RORA: variants seen among roughly 807,000 people sequenced by gnomAD.
RORA encodes the protein nuclear receptor ROR-alpha.
A neutral mutation model predicts 69.5 loss-of-function variants in RORA; 7 were observed. That is an observed-to-expected ratio of 0.10 (90% confidence interval 0.06 to 0.19). RORA has a LOEUF of 0.19. Among genes scored for constraint, RORA ranks in the 10% least tolerant of loss-of-function variants. The probability of loss-of-function intolerance (pLI) is 1.00; values close to 1 mark genes in which losing one functional copy is unlikely to be tolerated. For synonymous variants in RORA, 261 were observed against 240.8 expected, an observed-to-expected ratio of 1.08 and a Z score of -0.78; for missense variants, 457 against 663.0, an observed-to-expected ratio of 0.69 and a Z score of 3.41.
At chr15:60,810,606 A>G (rs751729554) in intron 1 of RORA, among the ~76,000 whole-genome samples, 1 of 151,818 alleles carries the variant, frequency 6.6e-6, no homozygotes, top group Non-Finnish European at 1.5e-5. Flanking sequence ...ACAGCTCATT[A>G]TTATTTTTGA....
Position 61,205,635 on chromosome 15 carries a change from C to T in RORA, c.166+23418G>A, listed in dbSNP as rs150808360. ...AAGGAATGAAAGGAAAACCTGCAACCAGAAGAGTGAAGGAGCTGGCACAGG... is the reference window on the plus strand; with the variant it reads ...AAGGAATGAAAGGAAAACCTGCAACTAGAAGAGTGAAGGAGCTGGCACAGG... On this transcript the variant is annotated intron_variant, in intron 1 of 10. Transcript: ENST00000335670. 2.2e-3 allele frequency among the ~76,000 whole-genome samples: 342 copies of T among 152,194 alleles called. 1 individual carries two copies. Among genetic ancestry groups the T allele is most frequent in the South Asian group, 0.021 (102 of 4,812 alleles).
At chr15:60,743,015 T>A (rs1251906021) in intron 1 of RORA, among the ~76,000 whole-genome samples, 3 of 123,026 alleles carry the variant, frequency 2.4e-5, no homozygotes, top group African/African-American at 7.9e-5. Flanking sequence ...GCATTCATTC[T>A]ATTTTTTTTT....
Position 60,511,262 on chromosome 15 carries a change from C to T in RORA, c.784G>A (p.Gly262Ser), listed in dbSNP as rs1423475521. ...GFFPYCSFTN[G>S]ETSPTVSMAE... is the part of the protein sequence containing the mutation. Reference sequence around the variant, plus strand: ...ATGGACACAGTTGGGGAAGTCTCGCCGTTGGTGAACGAACAGTAGGGAAAG... The same window carrying T: ...ATGGACACAGTTGGGGAAGTCTCGCTGTTGGTGAACGAACAGTAGGGAAAG... Residue 262 changes from glycine to serine, a missense_variant, in exon 5 of 11, where the codon GGC becomes AGC. Gly to Ser is a moderately conservative substitution (Grantham distance 56, BLOSUM62 0). Transcript: ENST00000335670. This position sits in a 1 kb window ranked among gnomAD's most constrained non-coding sequence, Gnocchi z 6.4. The T allele has an allele frequency of 4.3e-6, 7 of 1,613,870 alleles. No individual in the cohort carries two copies. The highest frequency in any genetic ancestry group is 1.1e-5 in the South Asian group (1 of 91,038).
intron 1 of RORA, among the ~76,000 whole-genome samples, chr15:60,893,606 T>C (rs11856583): frequency 1.3e-5 from 2 of 151,906 alleles, no homozygotes; most frequent in Non-Finnish European, 2.9e-5. Context: ...TGTGCGTTTT[T>C]AAAAAATTTT....
At chr15:60,859,030 A>T (rs917189840) in intron 1 of RORA, among the ~76,000 whole-genome samples, 6 of 145,528 alleles carry the variant, frequency 4.1e-5, no homozygotes, top group Non-Finnish European at 9.0e-5. Context: ...GCAATTTCTT[A>T]GGTGTCTGCT....
At chr15:60,521,386 C>T (rs1049678924) in intron 3 of RORA, among the ~76,000 whole-genome samples, 4 of 151,674 alleles carry the variant, frequency 2.6e-5, no homozygotes, top group Non-Finnish European at 4.4e-5. Flanking sequence ...GGACTACAGG[C>T]GTGCACCACC....
intron 1 of RORA, among the ~76,000 whole-genome samples, chr15:61,188,830 G>A (rs928743095): frequency 1.1e-4 from 16 of 151,996 alleles, no homozygotes; most frequent in Non-Finnish European, 2.4e-4. Context: ...TTCCCTCAAG[G>A]AGCTCAACAC....
chr15:60,540,962 G>C (rs568556237), intron 2 of RORA, among the ~76,000 whole-genome samples: 2 of 152,320 alleles, frequency 1.3e-5, no homozygotes, highest in East Asian at 1.9e-4. Context: ...GGACTGTTAA[G>C]AGAATTAGCC....
At chr15:60,959,288 TA>T (rs1201340702) in intron 1 of RORA, among the ~76,000 whole-genome samples, 2 of 152,154 alleles carry the variant, frequency 1.3e-5, no homozygotes, top group Admixed American at 6.5e-5. Flanking sequence ...AAATATACAT[TA>T]AAAAATCATT....
At chr15:60,914,290 C>T (rs910994764) in intron 1 of RORA, among the ~76,000 whole-genome samples, 2 of 152,110 alleles carry the variant, frequency 1.3e-5, no homozygotes, top group African/African-American at 4.8e-5. Context: ...GGGGAAAGGG[C>T]TTTCCCAAAG....
chr15:60,966,608 G>T (rs1893560029), intron 1 of RORA, among the ~76,000 whole-genome samples: 1 of 152,078 alleles, frequency 6.6e-6, no homozygotes, highest in South Asian at 2.1e-4. Flanking sequence ...TTACACAGTG[G>T]GATTACATCC....
At chr15:60,891,893 C>A (rs1159328957) in intron 1 of RORA, among the ~76,000 whole-genome samples, 1 of 152,196 alleles carries the variant, frequency 6.6e-6, no homozygotes, top group African/African-American at 2.4e-5. Context: ...GCCTTCGTGG[C>A]TTCCCAAACC....
At chr15:60,749,015 G>A (rs776619433) in intron 1 of RORA, among the ~76,000 whole-genome samples, 6 of 152,020 alleles carry the variant, frequency 3.9e-5, no homozygotes, top group Non-Finnish European at 8.8e-5. Context: ...GAATCACCCC[G>A]GGAGCTTGTT....
chr15:61,112,382 T>C (rs1443333721), intron 1 of RORA, among the ~76,000 whole-genome samples: 3 of 150,202 alleles, frequency 2.0e-5, no homozygotes, highest in Non-Finnish European at 4.4e-5. Context: ...AGAGGGAGAG[T>C]AGGAGAGTGT....
At chr15:60,759,627 T>G (rs1207654700) in intron 1 of RORA, among the ~76,000 whole-genome samples, 1 of 152,200 alleles carries the variant, frequency 6.6e-6, no homozygotes, top group Non-Finnish European at 1.5e-5. Flanking sequence ...CCCATACACA[T>G]AGAGAAATCT....
intron 1 of RORA, among the ~76,000 whole-genome samples, chr15:61,127,814 C>G (rs577494152): frequency 1.9e-3 from 290 of 152,262 alleles, no homozygotes; most frequent in African/African-American, 6.7e-3. Flanking sequence ...TCCATTCACC[C>G]GTCCAGTTCT....
At chr15:60,925,197 C>G (rs970402453) in intron 1 of RORA, among the ~76,000 whole-genome samples, 1 of 152,086 alleles carries the variant, frequency 6.6e-6, no homozygotes, top group South Asian at 2.1e-4. Flanking sequence ...ACAGGCGGAC[C>G]CTTGCTGCAG....
chr15:61,066,567 C>G (rs1263924609), intron 1 of RORA, among the ~76,000 whole-genome samples: 1 of 151,868 alleles, frequency 6.6e-6, no homozygotes, highest in Non-Finnish European at 1.5e-5. Context: ...GCTGGGATTA[C>G]AGGCATGCGC....
intron 1 of RORA, among the ~76,000 whole-genome samples, chr15:60,832,378 T>C (rs2073053794): frequency 6.6e-6 from 1 of 152,168 alleles, no homozygotes; most frequent in East Asian, 1.9e-4. Context: ...ATTAGTCACC[T>C]ACCTCCCCAT....
Sources: allele counts gnomAD v4.1 joint callset (sites outside exome capture counted in the v4.1 genomes callset), GRCh38; gene constraint gnomAD v4.1.1; non-coding constraint Gnocchi (gnomAD v3.1); transcripts MANE v1.5; gene names NCBI Gene and HGNC (gene_info 2026-07-23, HGNC 2026-07-21).